Variants in TTLL6 observed in about 807,000 individuals in gnomAD.
TTLL6 encodes tubulin polyglutamylase TTLL6.
In TTLL6, 75 loss-of-function variants were observed where a neutral mutation model predicts 96.4. The ratio of observed to expected loss-of-function variants is 0.78; its 90% CI spans 0.65 to 0.94. The LOEUF is 0.94. Among genes scored for constraint, TTLL6 ranks in the 40% least tolerant of loss-of-function variants. The probability of loss-of-function intolerance (pLI) is 0.00; values close to 1 mark genes in which losing one functional copy is unlikely to be tolerated. For synonymous variants in TTLL6, 411 were observed against 419.4 expected, an observed-to-expected ratio of 0.98 and a Z score of 0.24; for missense variants, 1,030 against 1,093.0, an observed-to-expected ratio of 0.94 and a Z score of 0.81.
chr17:48,798,666 G>C (rs774841672), intron 6 of TTLL6, among the ~76,000 whole-genome samples: 2 of 152,088 alleles, frequency 1.3e-5, no homozygotes, highest in Admixed American at 1.3e-4. Context: ...ATGAACTCAC[G>C]AGTTTGAGGT....
chr17:48,773,675 T>C (rs1174658035), intron 13 of TTLL6, among the ~76,000 whole-genome samples: 1 of 152,000 alleles, frequency 6.6e-6, no homozygotes, highest in Non-Finnish European at 1.5e-5. Flanking sequence ...TGAGCCATGA[T>C]TGTGTCATTA....
chr17:48,817,039 C>A lies in TTLL6; in HGVS notation c.34G>T (p.Gly12Trp). 2 of 1,544,524 alleles carry A rather than the reference C, an allele frequency of 1.3e-6. No homozygotes were observed. Among genetic ancestry groups the A allele is most frequent in the Non-Finnish European group, 1.7e-6 (2 of 1,145,828 alleles). The stretch of plus-strand genomic sequence containing the variant: ...CAGCTTGCAACCACACCTGCCGGCC[C>A]CCTCCTCGAAGGATGAAGGAGTAAC... ...GALLLHPSRRGPAGVVASWTS... is the reference protein window; with the variant it reads ...GALLLHPSRRWPAGVVASWTS... Residue 12 changes from glycine to tryptophan, a missense_variant, in exon 1 of 16, where the codon GGG (glycine) becomes TGG (tryptophan). Coordinates refer to ENST00000393382, the MANE Select transcript of TTLL6 (RefSeq NM_001130918.3).
At chr17:48,787,770 C>T (rs1177468541) in intron 11 of TTLL6, 41 bp downstream of exon 11, 1 of 1,581,620 alleles carries the variant, frequency 6.3e-7, no homozygotes, top group Non-Finnish European at 8.6e-7. Flanking sequence ...CACACAATCC[C>T]CAGAACCCCT....
In TTLL6 at chr17:48,816,974, A is replaced by G; in HGVS notation, c.99T>C (p.Ile33=). The G allele has an allele frequency of 1.3e-6, 2 of 1,533,530 alleles. No individual in the cohort carries two copies. The highest frequency in any genetic ancestry group is 1.8e-6 in the Non-Finnish European group (2 of 1,142,116). The allele number at this position is 1,533,530 out of a possible 1,614,324, so 95.0% of individuals were successfully genotyped here. A position where few individuals can be genotyped will look rare whatever the true frequency, so the allele number is the denominator to read the frequency against. ...SPAGRDGGVG[I]AGAWYFPRAS... is the part of the protein sequence containing the mutation. ...CGGGCTTTGGGGCGCTCTTACCCGC[A>G]ATTCCTACTCCCCCGTCTCGCCCCG... The change falls in exon 1 of 16, where the codon ATT becomes ATC. Residue 33 remains isoleucine, a synonymous_variant. Coordinates refer to ENST00000393382, the MANE Select transcript of TTLL6 (RefSeq NM_001130918.3).
chr17:48,786,174 G>A lies in TTLL6; in HGVS notation c.1751C>T (p.Ala584Val), dbSNP rs1372069456. Residue 584 changes from alanine to valine, a missense_variant, in exon 12 of 16, where the codon GCC (alanine) becomes GTC (valine). Ala to Val is a moderately conservative substitution (Grantham distance 64, BLOSUM62 0). Coordinates refer to ENST00000393382, the MANE Select transcript of TTLL6 (RefSeq NM_001130918.3). ...QQQKDKAATQ[A>V]SKQYIQPLTL... ...TCAATCCAGGTTTACCTGTTTGGAG[G>A]CTTGGGTGGCGGCCTTGTCTTTCTG... 1.2e-6 allele frequency: 2 copies of A among 1,614,090 alleles called. No individual in the cohort carries two copies. The highest frequency in any genetic ancestry group is 1.7e-6 in the Non-Finnish European group (2 of 1,180,042).
chr17:48,804,140 C>G, intron 2 of TTLL6: 1 of 615,558 alleles, frequency 1.6e-6, no homozygotes, highest in Non-Finnish European at 2.9e-6. Flanking sequence ...TTACTCTACC[C>G]AGAAGGTAGA....
At position 48,795,281 on chromosome 17, in the gene TTLL6, G is replaced by A. The variant is rs554892157; in HGVS notation, c.998+780C>T. Among the ~76,000 whole-genome samples the A allele has an allele frequency of 5.4e-5, 8 of 149,378 alleles. 1 individual carries two copies. Among genetic ancestry groups the A allele is most frequent in the East Asian group, 3.9e-4 (2 of 5,068 alleles). On this transcript the variant is annotated intron_variant, in intron 8 of 15. Coordinates refer to ENST00000393382, the MANE Select transcript of TTLL6 (RefSeq NM_001130918.3). ...GCAGAGGTTGCAGTGAGCCAAGATCGCACCACTGCACTCCAGCCTGGCGAC... is the reference window on the plus strand; with the variant it reads ...GCAGAGGTTGCAGTGAGCCAAGATCACACCACTGCACTCCAGCCTGGCGAC...
chr17:48,778,212 G>A (rs1242995039), intron 13 of TTLL6, among the ~76,000 whole-genome samples: 1 of 151,202 alleles, frequency 6.6e-6, no homozygotes, highest in Non-Finnish European at 1.5e-5. Context: ...GAGAGGCAGA[G>A]GTTGTAGTAA....
intron 13 of TTLL6, among the ~76,000 whole-genome samples, chr17:48,774,931 G>A (rs929163899): frequency 2.6e-5 from 4 of 152,076 alleles, no homozygotes; most frequent in South Asian, 2.1e-4. Flanking sequence ...TCAGGAGTTC[G>A]ACACCAGCCT....
intron 13 of TTLL6, among the ~76,000 whole-genome samples, chr17:48,782,031 T>C (rs2038996079): frequency 1.3e-5 from 2 of 152,142 alleles, no homozygotes; most frequent in African/African-American, 4.8e-5. Flanking sequence ...GGCATTTGGT[T>C]ACAGCAGCCT....
intron 2 of TTLL6, chr17:48,804,365 G>C (rs773896092): frequency 4.1e-6 from 2 of 484,828 alleles, no homozygotes; most frequent in South Asian, 3.1e-5. Context: ...AGCAAGGCAT[G>C]GTGAAATATT....
In TTLL6 at chr17:48,787,797, G is replaced by C. The variant is rs117729065; in HGVS notation, c.1589+14C>G. 4 of 1,610,800 alleles carry C rather than the reference G, an allele frequency of 2.5e-6. No homozygotes were observed. In the Admixed American group the frequency reaches 6.7e-5, roughly 27 times the overall value. ...AGAACCCCTCCACCGACCTCATCCC[G>C]GATGTCTTCCTACCGGGCATACTCC... On this transcript the variant is annotated intron_variant, in intron 11 of 15. Coordinates refer to ENST00000393382, the MANE Select transcript of TTLL6 (RefSeq NM_001130918.3).
At chr17:48,789,851 C>G in intron 10 of TTLL6, 80 bp downstream of exon 10, 3 of 1,474,476 alleles carry the variant, frequency 2.0e-6, no homozygotes, top group Non-Finnish European at 2.7e-6. Flanking sequence ...GCCACTGCAC[C>G]CGGCCCAGGA....
At position 48,817,154 on chromosome 17, in the gene TTLL6, T is replaced by C; in HGVS notation, c.-82A>G. The C allele has an allele frequency of 9.9e-7, 1 of 1,006,264 alleles. No homozygotes were observed. Among genetic ancestry groups the C allele is most frequent in the Non-Finnish European group, 1.4e-6 (1 of 705,578 alleles). 62.3% of individuals were successfully genotyped at this position (1,006,264 alleles called of 1,614,324 possible). A position where few individuals can be genotyped will look rare whatever the true frequency, so the allele number is the denominator to read the frequency against. On this transcript the variant is annotated 5_prime_UTR_variant, in exon 1 of 16. Transcript: ENST00000393382. ...GGCCCTCATATTTGCATACGGGGCCTTCTAGGCCTTCGATTGGCCCCTGCA... is the reference window on the plus strand; with the variant it reads ...GGCCCTCATATTTGCATACGGGGCCCTCTAGGCCTTCGATTGGCCCCTGCA...
chr17:48,773,461 C>T (rs570869894), intron 13 of TTLL6, among the ~76,000 whole-genome samples: 1 of 152,184 alleles, frequency 6.6e-6, no homozygotes, highest in African/African-American at 2.4e-5. Context: ...CAGGCTCATG[C>T]CTATAATCCC....
chr17:48,797,366 T>C (rs1161200437), intron 6 of TTLL6, among the ~76,000 whole-genome samples, 162 bp from the exon 7 acceptor site: 1 of 152,206 alleles, frequency 6.6e-6, no homozygotes, highest in African/African-American at 2.4e-5. Flanking sequence ...AGACTTGGGC[T>C]CTGTGTCCCA....
intron 1 of TTLL6, among the ~76,000 whole-genome samples, chr17:48,806,988 C>T (rs952568055): frequency 3.3e-5 from 5 of 151,792 alleles, no homozygotes; most frequent in Non-Finnish European, 5.9e-5. Flanking sequence ...CAAGATTGCA[C>T]TGTTGCACTG....
At chr17:48,782,252 C>T (rs546085671) in intron 13 of TTLL6, among the ~76,000 whole-genome samples, 139 of 151,878 alleles carry the variant, frequency 9.2e-4, no homozygotes, top group Non-Finnish European at 1.4e-3. Context: ...ATTACAAGCG[C>T]GCACCACCAC....
rs932229443 is a variant in TTLL6, at chr17:48,797,149, G to A, written c.824C>T (p.Ser275Phe). 1.9e-6 allele frequency: 3 copies of A among 1,551,488 alleles called. No homozygotes were observed. The highest frequency in any genetic ancestry group is 2.7e-5 in the African/African-American group (2 of 72,992). ...CACAAAAATCCTGAGAGGGTCACAG[G>A]ATGTCACCAGTACATAAATCCGTAG... ...FDLRIYVLVT[S>F]CDPLRIFVYN... is the part of the protein sequence containing the mutation. Residue 275 changes from serine (S) to phenylalanine (F), a missense_variant, in exon 7 of 16, where the codon TCC becomes TTC. Physicochemically the swap from Ser to Phe is radical, Grantham distance 155. Transcript: ENST00000393382.
Sources: allele counts gnomAD v4.1 joint callset (sites outside exome capture counted in the v4.1 genomes callset), GRCh38; gene constraint gnomAD v4.1.1; transcripts MANE v1.5; gene names NCBI Gene and HGNC (gene_info 2026-07-23, HGNC 2026-07-21).